BCAS3: variants seen among roughly 807,000 people sequenced by gnomAD.
The protein encoded by BCAS3 is BCAS3 microtubule associated cell migration factor.
BCAS3 carries 53 observed loss-of-function variants against 116.1 expected under a neutral mutation model. That is an observed-to-expected ratio of 0.46 (90% CI 0.37 to 0.57). BCAS3 has a LOEUF of 0.57. Among genes scored for constraint, BCAS3 ranks in the 20% least tolerant of loss-of-function variants. The pLI is 0.00. For missense variants in BCAS3, 917 were observed against 1,165.4 expected (o/e 0.79, Z 3.10); for synonymous variants, 391 against 408.2 (o/e 0.96, Z 0.51).
intron 22 of BCAS3, among the ~76,000 whole-genome samples, chr17:61,192,868 G>T (rs1321403297): frequency 6.6e-6 from 1 of 152,196 alleles, no homozygotes. Context: ...ACCTCAGACA[G>T]TAATGACAAG....
chr17:60,961,460 C>A lies in BCAS3; in HGVS notation c.1221+14108C>A, dbSNP rs1365329931. 6.6e-6 allele frequency among the ~76,000 whole-genome samples: 1 copy of A among 151,932 alleles called. No homozygotes were observed. The highest frequency in any genetic ancestry group is 2.4e-5 in the African/African-American group (1 of 41,350). ...ACAATAGTCACATTAGCAGAATGAA[C>A]CTCGAGATTACCCAGATGTAGTAAA... On this transcript the variant is annotated intron_variant, in intron 14 of 23. Transcript: ENST00000407086. This position sits in a 1 kb window ranked among gnomAD's most constrained non-coding sequence, Gnocchi z 4.8.
chr17:60,860,749 T>G lies in BCAS3; in HGVS notation c.477-7827T>G, dbSNP rs568941769. ...CACCACCATTTATTGAATAGGGAGT[T>G]TTTTCCCTATTGTTTGTTATCATCA... On this transcript the variant is annotated intron_variant, in intron 7 of 23. Transcript: ENST00000407086. Among the ~76,000 whole-genome samples, 13 of 152,234 alleles carry G rather than the reference T, an allele frequency of 8.5e-5. No homozygotes were observed. The South Asian group carries it at 1.0e-3, about 12-fold the overall frequency.
intron 22 of BCAS3, among the ~76,000 whole-genome samples, chr17:61,292,760 T>C (rs992953546): frequency 1.3e-5 from 2 of 152,190 alleles, no homozygotes; most frequent in Non-Finnish European, 2.9e-5. Context: ...TATGCCCATA[T>C]GTGTACTTCA....
At chr17:60,765,057 A>G (rs1178496523) in intron 6 of BCAS3, among the ~76,000 whole-genome samples, 1 of 151,962 alleles carries the variant, frequency 6.6e-6, no homozygotes, top group African/African-American at 2.4e-5. Flanking sequence ...AACTTCCTCC[A>G]TCCCGTTATT....
rs1568446115 is a variant in BCAS3 at position 61,144,881 on chromosome 17, C to G, written c.2425+60317C>G. Among the ~76,000 whole-genome samples, 2 of 152,154 alleles carry G rather than the reference C, an allele frequency of 1.3e-5. No individual in the cohort carries two copies. Among genetic ancestry groups the G allele is most frequent in the Non-Finnish European group, 2.9e-5 (2 of 68,024 alleles). ...GATTCGCAGATTAAGATCATTATAG[C>G]ATTTGAGTAGGCCCTCAGTGACAAA... On this transcript the variant is annotated intron_variant, in intron 22 of 23. Transcript: ENST00000407086. The surrounding 1 kb of genome is among the most constrained non-coding windows in gnomAD (Gnocchi z 5.0).
At chr17:60,915,162 C>A (rs1489322328) in intron 12 of BCAS3, among the ~76,000 whole-genome samples, 1 of 152,066 alleles carries the variant, frequency 6.6e-6, no homozygotes. Context: ...GTTGCACATG[C>A]CTTTCATCTT....
intron 22 of BCAS3, among the ~76,000 whole-genome samples, chr17:61,209,741 A>G (rs1385955339): frequency 6.6e-6 from 1 of 152,136 alleles, no homozygotes; most frequent in South Asian, 2.1e-4. Context: ...TTGGTTTGAA[A>G]TTAGGACCTC....
intron 22 of BCAS3, among the ~76,000 whole-genome samples, chr17:61,267,111 G>A (rs527745823): frequency 8.3e-4 from 127 of 152,308 alleles, no homozygotes; most frequent in African/African-American, 3.0e-3. Context: ...AGGCTGGAGT[G>A]CAGTGGTGCG....
intron 10 of BCAS3, among the ~76,000 whole-genome samples, chr17:60,891,543 G>A (rs978333037): frequency 6.6e-6 from 1 of 152,138 alleles, no homozygotes; most frequent in African/African-American, 2.4e-5. Flanking sequence ...GTTTCTAATT[G>A]TTTTAGCTTT....
In BCAS3 at chr17:61,281,326, C is replaced by A. The variant is rs556055774; in HGVS notation, c.2426-87001C>A. Among the ~76,000 whole-genome samples, 1 of 152,270 alleles carries A rather than the reference C, an allele frequency of 6.6e-6. No homozygotes were observed. The highest frequency in any genetic ancestry group is 2.4e-5 in the African/African-American group (1 of 41,556). ...TCTTAGGACATTTGTGTAATTTCAT[C>A]TGTATAAATAGTTCTTAGAAGTAGA... On this transcript the variant is annotated intron_variant, in intron 22 of 23. Transcript: ENST00000407086. This position sits in a 1 kb window ranked among gnomAD's most constrained non-coding sequence, Gnocchi z 4.2.
At chr17:60,946,588 G>T (rs942555187) in intron 13 of BCAS3, among the ~76,000 whole-genome samples, 10 of 151,994 alleles carry the variant, frequency 6.6e-5, no homozygotes, top group Non-Finnish European at 1.0e-4. Context: ...TTCATGGGGG[G>T]TATGTCATTT....
intron 22 of BCAS3, among the ~76,000 whole-genome samples, chr17:61,135,508 T>A (rs2076576034): frequency 6.6e-6 from 1 of 152,232 alleles, no homozygotes; most frequent in Non-Finnish European, 1.5e-5. Context: ...AGACAGTCAG[T>A]ACTTCCAAAG....
chr17:61,273,123 T>C (rs1045759338), intron 22 of BCAS3, among the ~76,000 whole-genome samples: 1 of 151,910 alleles, frequency 6.6e-6, no homozygotes, highest in Non-Finnish European at 1.5e-5. Context: ...TTTTTTTTTT[T>C]CTGAGACATG....
intron 21 of BCAS3, among the ~76,000 whole-genome samples, 172 bp downstream of exon 21, chr17:61,078,701 C>A (rs933634472): frequency 6.6e-6 from 1 of 152,194 alleles, no homozygotes; most frequent in Non-Finnish European, 1.5e-5. Context: ...TATAGGGTCT[C>A]GTGGGATCAC....
At position 61,241,477 on chromosome 17, in the gene BCAS3, C is replaced by T. The variant is rs962418086; in HGVS notation, c.2426-126850C>T. Among the ~76,000 whole-genome samples, 38 of 151,832 alleles carry T rather than the reference C, an allele frequency of 2.5e-4. No individual in the cohort carries two copies. The highest frequency in any genetic ancestry group is 7.7e-4 in the African/African-American group (32 of 41,312). On this transcript the variant is annotated intron_variant, in intron 22 of 23. Coordinates refer to ENST00000407086, the MANE Select transcript of BCAS3 (RefSeq NM_017679.5). The surrounding 1 kb of genome is among the most constrained non-coding windows in gnomAD (Gnocchi z 4.6). ...CTGTAATCCCAACACTTTGGGAGGC[C>T]GAGGCAGGCGGATCACGAGGTCAGG...
chr17:60,796,237 G>A (rs2047202459), intron 6 of BCAS3, among the ~76,000 whole-genome samples: 1 of 152,140 alleles, frequency 6.6e-6, no homozygotes, highest in African/African-American at 2.4e-5. Context: ...GGTAATGCTG[G>A]CTTCATAGAA....
chr17:61,388,428 C>T lies in BCAS3; in HGVS notation c.2594-3549C>T, dbSNP rs993849669. On this transcript the variant is annotated intron_variant, in intron 23 of 23. Transcript: ENST00000407086. This position sits in a 1 kb window ranked among gnomAD's most constrained non-coding sequence, Gnocchi z 6.5. ...TCACAGCAGATCCATCTCTGGGACC[C>T]CCAAGACAGATTGGTCCCCAGCCCC... The T allele has an allele frequency of 3.5e-6, 2 of 570,298 alleles. No homozygotes were observed. Among genetic ancestry groups the T allele is most frequent in the East Asian group, 6.0e-5 (2 of 33,088 alleles). 35.3% of individuals were successfully genotyped at this position (570,298 alleles called of 1,614,324 possible). A position where few individuals can be genotyped will look rare whatever the true frequency, so the allele number is the denominator to read the frequency against.
At chr17:61,092,857 TC>T (rs1468705829) in intron 22 of BCAS3, among the ~76,000 whole-genome samples, 1 of 151,860 alleles carries the variant, frequency 6.6e-6, no homozygotes, top group East Asian at 1.9e-4. Context: ...CATTGTTTTT[TC>T]CTTTTATGTT....
Position 61,282,892 on chromosome 17 carries a change from G to A in BCAS3, c.2426-85435G>A, listed in dbSNP as rs887952525. The stretch of plus-strand genomic sequence containing the variant: ...AAGTAATTAAATGAGTTTTAGTGAA[G>A]GGGAGAAATCACAGTAAAAATATAT... On this transcript the variant is annotated intron_variant, in intron 22 of 23. Transcript: ENST00000407086. The surrounding 1 kb of genome is among the most constrained non-coding windows in gnomAD (Gnocchi z 5.9). Among the ~76,000 whole-genome samples the A allele has an allele frequency of 6.6e-6, 1 of 151,182 alleles. No individual in the cohort carries two copies. Among genetic ancestry groups the A allele is most frequent in the Non-Finnish European group, 1.5e-5 (1 of 67,900 alleles).
Sources: allele counts gnomAD v4.1 joint callset (sites outside exome capture counted in the v4.1 genomes callset), GRCh38; gene constraint gnomAD v4.1.1; non-coding constraint Gnocchi (gnomAD v3.1); transcripts MANE v1.5; gene names NCBI Gene and HGNC (gene_info 2026-07-23, HGNC 2026-07-21).